MOB1A: variants seen among roughly 807,000 people sequenced by gnomAD.
MOB1A encodes the protein MOB1 Mps One Binder homolog A.
Under a neutral mutation model 25.1 loss-of-function variants are expected in MOB1A, and 10 were observed. The observed-to-expected ratio is 0.40, with a 90% CI of 0.25 to 0.68. MOB1A has a LOEUF of 0.68. MOB1A is among the 30% of genes least tolerant of loss of function. The pLI is 0.40. For synonymous variants in MOB1A, 81 were observed against 79.5 expected (o/e 1.02, Z -0.10); for missense variants, 177 against 256.3 (o/e 0.69, Z 2.11).
intron 5 of MOB1A, among the ~76,000 whole-genome samples, chr2:74,158,624 C>T (rs1303507610): frequency 6.6e-6 from 1 of 151,818 alleles, no homozygotes; most frequent in Non-Finnish European, 1.5e-5. Context: ...ACTAAAAATA[C>T]AAAAATTAGT....
At chr2:74,157,058 T>C (rs1320713498) in intron 5 of MOB1A, among the ~76,000 whole-genome samples, 1 of 151,468 alleles carries the variant, frequency 6.6e-6, no homozygotes, top group East Asian at 2.0e-4. Flanking sequence ...GAGTATCTTG[T>C]ATGCTAATGA....
chr2:74,170,459 G>GC (rs1452329542), intron 2 of MOB1A, among the ~76,000 whole-genome samples: 2 of 152,028 alleles, frequency 1.3e-5, no homozygotes, highest in African/African-American at 4.8e-5. Flanking sequence ...TTTTAAAAAA[G>GC]GTTTTTTTTT....
At chr2:74,159,824 C>G (rs931033646) in intron 4 of MOB1A, among the ~76,000 whole-genome samples, 1 of 105,328 alleles carries the variant, frequency 9.5e-6, no homozygotes, top group Non-Finnish European at 1.9e-5. Context: ...TTTGTCCCCC[C>G]CCCCACCCCG....
In MOB1A at chr2:74,161,212, A is replaced by C. The variant is rs139225071; in HGVS notation, c.410-1958T>G. Among the ~76,000 whole-genome samples, 27 of 152,342 alleles carry C rather than the reference A, an allele frequency of 1.8e-4. 1 individual carries two copies. The East Asian group carries it at 4.8e-3, about 27-fold the overall frequency. ...ATTTTTTTCCCAGCCAGTTCTCAAT[A>C]ACCTGAAACTTATTTTGCTGATGTT... On this transcript the variant is annotated intron_variant, in intron 4 of 5. Coordinates refer to ENST00000396049, the MANE Select transcript of MOB1A (RefSeq NM_018221.5).
At chr2:74,167,894 T>C (rs11901570) in intron 2 of MOB1A, among the ~76,000 whole-genome samples, 7,057 of 152,174 alleles carry the variant, frequency 0.046, 543 homozygotes, top group African/African-American at 0.16. Flanking sequence ...CCCAGCACTT[T>C]GGGAAGCTGA....
chr2:74,161,771 C>T (rs1249056008), intron 4 of MOB1A, among the ~76,000 whole-genome samples: 1 of 151,798 alleles, frequency 6.6e-6, no homozygotes. Context: ...GTCTGGGCAA[C>T]ACAGTGAGAC....
intron 2 of MOB1A, among the ~76,000 whole-genome samples, chr2:74,168,741 T>C (rs1365488436): frequency 1.3e-5 from 2 of 152,248 alleles, no homozygotes; most frequent in East Asian, 3.8e-4. Context: ...TTTAAAATGC[T>C]ATCTTGTAAA....
chr2:74,175,256 T>C (rs1416386556), intron 1 of MOB1A, among the ~76,000 whole-genome samples: 1 of 152,228 alleles, frequency 6.6e-6, no homozygotes, highest in Non-Finnish European at 1.5e-5. Context: ...ATTGTCTAGT[T>C]GCTCAGAGCT....
intron 2 of MOB1A, among the ~76,000 whole-genome samples, chr2:74,170,369 C>T (rs1693253241): frequency 6.6e-6 from 1 of 151,762 alleles, no homozygotes; most frequent in Non-Finnish European, 1.5e-5. Flanking sequence ...AATCTCCTGA[C>T]CTCGTGATCC....
In MOB1A at chr2:74,154,017, C is replaced by A. The variant is rs1370046504; in HGVS notation, c.*2551G>T. On this transcript the variant is annotated 3_prime_UTR_variant, in exon 6 of 6. Transcript: ENST00000396049. ...TCTACTAAAAATACAAAAAATTAGC[C>A]AGGCATGACTAAAAATAGAAAAAAT... 6.6e-6 allele frequency: 1 copy of A among 151,942 alleles called. No homozygotes were observed. The highest frequency in any genetic ancestry group is 1.5e-5 in the Non-Finnish European group (1 of 68,062). 9.4% of individuals were successfully genotyped at this position (151,942 alleles called of 1,614,324 possible). A position where few individuals can be genotyped will look rare whatever the true frequency, so the allele number is the denominator to read the frequency against.
intron 5 of MOB1A, 23 bp from the exon 6 acceptor site, chr2:74,156,668 A>G: frequency 6.6e-7 from 1 of 1,508,520 alleles, no homozygotes; most frequent in Non-Finnish European, 9.0e-7. Context: ...GAAAAATAAC[A>G]ATTAAAAATG....
In MOB1A at chr2:74,157,674, A is replaced by C. The variant is rs558539347; in HGVS notation, c.574-1029T>G. ...CATTCATCTGGTGTCCACTGTAGAA[A>C]TGATCACTTGCTTGGTGTGTGAGGG... On this transcript the variant is annotated intron_variant, in intron 5 of 5. Transcript: ENST00000396049. 2.0e-5 allele frequency among the ~76,000 whole-genome samples: 3 copies of C among 152,280 alleles called. No individual in the cohort carries two copies. In the East Asian group the frequency reaches 5.8e-4, roughly 29 times the overall value.
intron 4 of MOB1A, among the ~76,000 whole-genome samples, chr2:74,161,584 G>A (rs972709296): frequency 3.3e-5 from 5 of 151,114 alleles, no homozygotes; most frequent in Non-Finnish European, 1.5e-5. Flanking sequence ...GGGAGGCGGA[G>A]CTTGCAGTGT....
chr2:74,161,445 C>A (rs891437035), intron 4 of MOB1A, among the ~76,000 whole-genome samples: 1 of 151,294 alleles, frequency 6.6e-6, no homozygotes, highest in Non-Finnish European at 1.5e-5. Flanking sequence ...AGATCGAGAC[C>A]ATCCTGGCTA....
At chr2:74,159,471 G>A (rs923790956) in intron 4 of MOB1A, among the ~76,000 whole-genome samples, 14 of 152,136 alleles carry the variant, frequency 9.2e-5, no homozygotes, top group African/African-American at 3.4e-4. Context: ...ATTTTTTGTA[G>A]AGATGGGGTT....
intron 1 of MOB1A, among the ~76,000 whole-genome samples, chr2:74,177,791 A>T (rs1204741728): frequency 6.6e-6 from 1 of 152,254 alleles, no homozygotes; most frequent in Non-Finnish European, 1.5e-5. Context: ...AGCAATATAC[A>T]AGGTAGAGAG....
intron 5 of MOB1A, among the ~76,000 whole-genome samples, chr2:74,157,516 G>A (rs1692836928): frequency 6.6e-6 from 1 of 152,194 alleles, no homozygotes; most frequent in Non-Finnish European, 1.5e-5. Context: ...ATAGTCAGAG[G>A]TATAGGTGAC....
At chr2:74,157,168 G>C (rs1484264101) in intron 5 of MOB1A, among the ~76,000 whole-genome samples, 2 of 149,564 alleles carry the variant, frequency 1.3e-5, no homozygotes, top group East Asian at 4.0e-4. Context: ...TCTGGGGAGG[G>C]GAAAGGGCTG....
intron 3 of MOB1A, among the ~76,000 whole-genome samples, chr2:74,166,777 T>C (rs757909009): frequency 2.2e-4 from 34 of 152,138 alleles, no homozygotes; most frequent in Non-Finnish European, 4.9e-4. Context: ...CAGAGGTTGT[T>C]AGTGAGCCAG....
Sources: allele counts gnomAD v4.1 joint callset (sites outside exome capture counted in the v4.1 genomes callset), GRCh38; gene constraint gnomAD v4.1.1; transcripts MANE v1.5; gene names NCBI Gene and HGNC (gene_info 2026-07-23, HGNC 2026-07-21).